The following ZFYVE28 variants were observed in gnomAD, a reference collection of about 807,000 sequenced individuals.
The protein encoded by ZFYVE28 is zinc finger FYVE-type containing 28, also known as lateral signaling target protein 2 homolog.
A neutral mutation model predicts 82.1 loss-of-function variants in ZFYVE28; 40 were observed. The ratio of observed to expected loss-of-function variants is 0.49; its 90% CI spans 0.38 to 0.63. ZFYVE28 has a LOEUF of 0.63. ZFYVE28 is among the 30% of genes least tolerant of loss of function. The pLI is 0.00. For synonymous variants in ZFYVE28, 612 were observed against 546.1 expected (o/e 1.12, Z -1.68); for missense variants, 1,321 against 1,242.1 (o/e 1.06, Z -0.96).
intron 8 of ZFYVE28, among the ~76,000 whole-genome samples, chr4:2,301,429 C>G (rs1715503569): frequency 1.3e-5 from 2 of 152,216 alleles, no homozygotes; most frequent in South Asian, 2.1e-4. Flanking sequence ...GATGTGCTTG[C>G]TTTCTCGGAT....
chr4:2,310,748 G>A (rs1268183875), intron 7 of ZFYVE28, among the ~76,000 whole-genome samples: 3 of 152,210 alleles, frequency 2.0e-5, no homozygotes, highest in African/African-American at 4.8e-5. Flanking sequence ...AGATTGCAGT[G>A]AGTCTAGATT....
intron 1 of ZFYVE28, among the ~76,000 whole-genome samples, chr4:2,369,850 C>CTTTTTT (rs1408650676): frequency 1.9e-3 from 113 of 61,010 alleles, no homozygotes; most frequent in Non-Finnish European, 2.6e-3. Context: ...TTTTTCTTTT[C>CTTTTTT]TTTTTTTTTT....
At chr4:2,347,303 T>A (rs1196738809) in intron 2 of ZFYVE28, among the ~76,000 whole-genome samples, 1 of 152,104 alleles carries the variant, frequency 6.6e-6, no homozygotes, top group Non-Finnish European at 1.5e-5. Context: ...CATAAACAAA[T>A]CCACAATTAT....
chr4:2,291,978 A>G (rs977515538), intron 8 of ZFYVE28, among the ~76,000 whole-genome samples: 1 of 152,162 alleles, frequency 6.6e-6, no homozygotes, highest in Non-Finnish European at 1.5e-5. Context: ...AGGCTCCAGC[A>G]CGTCCTCCCA....
intron 11 of ZFYVE28, 128 bp from the exon 12 acceptor site, chr4:2,271,542 G>C: frequency 7.1e-7 from 1 of 1,413,198 alleles, no homozygotes; most frequent in Non-Finnish European, 9.9e-7. Context: ...AGCCTCCGGG[G>C]GGGCGGTCTC....
Position 2,341,382 on chromosome 4 carries a change from C to T in ZFYVE28, c.318+96G>A. 6.6e-7 allele frequency: 1 copy of T among 1,505,300 alleles called. No individual in the cohort carries two copies. 93.2% of individuals were successfully genotyped at this position (1,505,300 alleles called of 1,614,324 possible). ...GGAGCTCTTGGAGGAGACACCAGGTCCCGGCACCTGCAGGCGCCCATGCAC... is the reference window on the plus strand; with the variant it reads ...GGAGCTCTTGGAGGAGACACCAGGTTCCGGCACCTGCAGGCGCCCATGCAC... On this transcript the variant is annotated intron_variant, in intron 3 of 12. Coordinates refer to ENST00000290974, the MANE Select transcript of ZFYVE28 (RefSeq NM_020972.3). The surrounding 1 kb of genome is among the most constrained non-coding windows in gnomAD (Gnocchi z 4.5).
intron 7 of ZFYVE28, among the ~76,000 whole-genome samples, chr4:2,317,942 CT>C (rs1560194945): frequency 6.6e-6 from 1 of 152,164 alleles, no homozygotes; most frequent in African/African-American, 2.4e-5. Context: ...TCAAGGCATG[CT>C]TTTGTTCCTA....
intron 1 of ZFYVE28, among the ~76,000 whole-genome samples, chr4:2,357,867 A>G (rs1242983414): frequency 2.6e-5 from 4 of 152,190 alleles, no homozygotes; most frequent in African/African-American, 9.7e-5. Flanking sequence ...CTGCCCTGGC[A>G]CCAAAAACCT....
In ZFYVE28 at chr4:2,350,314, A is replaced by C. The variant is rs1031440714; in HGVS notation, c.180+3619T>G. On this transcript the variant is annotated intron_variant, in intron 2 of 12. Transcript: ENST00000290974. ...CCCATCTCTACTAAAAATACAAAAA[A>C]TTAGCCGGGCGAGGTGGCGGGCGCC... Among the ~76,000 whole-genome samples the C allele has an allele frequency of 3.2e-4, 48 of 152,090 alleles. 2 individuals are homozygous for C. The highest frequency in any genetic ancestry group is 3.0e-3 in the Admixed American group (46 of 15,280).
rs1735756260 is a variant in ZFYVE28 at position 2,269,668 on chromosome 4, C to T, written c.*1057G>A. 1 of 152,182 alleles carries T rather than the reference C, an allele frequency of 6.6e-6. No homozygotes were observed. Among genetic ancestry groups the T allele is most frequent in the Admixed American group, 6.5e-5 (1 of 15,290 alleles). The allele number at this position is 152,182 out of a possible 1,614,324, so 9.4% of individuals were successfully genotyped here. On this transcript the variant is annotated 3_prime_UTR_variant, in exon 13 of 13. Transcript: ENST00000290974. ...TTAGAAAATAAATATAATCTCAATA[C>T]ATAATATTTCCTCCATTATATACTC...
intron 1 of ZFYVE28, among the ~76,000 whole-genome samples, chr4:2,382,238 C>T (rs1340119813): frequency 6.6e-6 from 1 of 152,206 alleles, no homozygotes; most frequent in Non-Finnish European, 1.5e-5. Context: ...CACACAGAGT[C>T]CCTACTGGGC....
intron 1 of ZFYVE28, among the ~76,000 whole-genome samples, chr4:2,381,638 C>G (rs891347694): frequency 2.0e-5 from 3 of 152,158 alleles, no homozygotes. Context: ...AGCTCCTGAC[C>G]TCAAATGATC....
chr4:2,291,093 C>A (rs1328755051), intron 8 of ZFYVE28, among the ~76,000 whole-genome samples: 1 of 152,218 alleles, frequency 6.6e-6, no homozygotes, highest in Non-Finnish European at 1.5e-5. Flanking sequence ...CTTCTCGTCT[C>A]GCACCTTGCA....
At chr4:2,340,310 C>T (rs566392984) in intron 3 of ZFYVE28, among the ~76,000 whole-genome samples, 7 of 152,280 alleles carry the variant, frequency 4.6e-5, no homozygotes, top group South Asian at 2.1e-4. Flanking sequence ...CTGGGTGCTG[C>T]GAGGCAGCTC....
intron 1 of ZFYVE28, among the ~76,000 whole-genome samples, chr4:2,355,314 C>G (rs1187323638): frequency 8.2e-6 from 1 of 121,242 alleles, no homozygotes; most frequent in African/African-American, 3.1e-5. Flanking sequence ...CAGAGTCTCA[C>G]TCTGTCGCCC....
rs984487037 is a variant in ZFYVE28, at chr4:2,300,511, C to T, written c.2051+3778G>A. Among the ~76,000 whole-genome samples, 5 of 152,156 alleles carry T rather than the reference C, an allele frequency of 3.3e-5. No individual in the cohort carries two copies. The highest frequency in any genetic ancestry group is 2.1e-4 in the South Asian group (1 of 4,828). On this transcript the variant is annotated intron_variant, in intron 8 of 12. Coordinates refer to ENST00000290974, the MANE Select transcript of ZFYVE28 (RefSeq NM_020972.3). The surrounding 1 kb of genome is among the most constrained non-coding windows in gnomAD (Gnocchi z 4.6). ...GGACGATGTCCGGACTCCCAGGTGA[C>T]AGCACCTGAGGAAACGCTCCAGAGA...
intron 1 of ZFYVE28, among the ~76,000 whole-genome samples, chr4:2,355,282 CTTTTTTTT>C (rs71167786): frequency 2.8e-5 from 1 of 35,902 alleles, no homozygotes; most frequent in Non-Finnish European, 6.0e-5. Context: ...AATGATTCTT[CTTTTTTTT>C]TTTTTTTTTG....
intron 7 of ZFYVE28, among the ~76,000 whole-genome samples, chr4:2,308,377 T>C (rs186860468): frequency 6.6e-6 from 1 of 151,960 alleles, no homozygotes; most frequent in African/African-American, 2.4e-5. Flanking sequence ...GCACTATTTG[T>C]GGAAACTACC....
chr4:2,365,259 A>G (rs1029566445), intron 1 of ZFYVE28, among the ~76,000 whole-genome samples: 21 of 152,154 alleles, frequency 1.4e-4, no homozygotes, highest in Admixed American at 1.3e-3. Context: ...GGCCACAGGC[A>G]GCAACCGGGA....
Sources: gnomAD v4.1 joint callset for allele counts (sites outside exome capture counted in the v4.1 genomes callset) on GRCh38, gnomAD v4.1.1 for gene constraint, Gnocchi (gnomAD v3.1) non-coding constraint, MANE v1.5 for transcripts, NCBI Gene and HGNC (gene_info 2026-07-23, HGNC 2026-07-21) for gene names.